The following GRID2 variants were observed in gnomAD, a reference collection of about 807,000 sequenced individuals.
The protein encoded by GRID2 is glutamate receptor ionotropic, delta-2.
A neutral mutation model predicts 114.8 loss-of-function variants in GRID2; 33 were observed. The observed-to-expected ratio is 0.29, with a 90% CI of 0.22 to 0.38. The LOEUF (loss-of-function observed/expected upper bound fraction) is 0.38, where lower values mean the gene tolerates loss of function less well. Ranked by LOEUF, GRID2 falls within the 10% of genes least tolerant of loss-of-function variation. The probability of loss-of-function intolerance (pLI) is 1.00; values close to 1 mark genes in which losing one functional copy is unlikely to be tolerated. For synonymous variants in GRID2, 505 were observed against 449.9 expected (o/e 1.12, Z -1.55); for missense variants, 1,184 against 1,257.7 (o/e 0.94, Z 0.89).
intron 13 of GRID2, among the ~76,000 whole-genome samples, chr4:93,590,085 T>C (rs1578332271): frequency 6.6e-6 from 1 of 150,576 alleles, no homozygotes; most frequent in South Asian, 2.1e-4. Context: ...GTTTTGTCTT[T>C]TGTTGTCATT....
At chr4:93,188,640 G>T (rs554136148) in intron 4 of GRID2, among the ~76,000 whole-genome samples, 1 of 152,248 alleles carries the variant, frequency 6.6e-6, no homozygotes, top group African/African-American at 2.4e-5. Flanking sequence ...TTGCAACATT[G>T]CCAGGCTGAG....
chr4:92,747,510 G>A (rs1737211426), intron 2 of GRID2, among the ~76,000 whole-genome samples: 1 of 152,082 alleles, frequency 6.6e-6, no homozygotes, highest in Non-Finnish European at 1.5e-5. Context: ...GTTCTGTAAT[G>A]AGTATGTTAT....
At chr4:93,722,402 T>G (rs1465833515) in intron 14 of GRID2, among the ~76,000 whole-genome samples, 1 of 152,108 alleles carries the variant, frequency 6.6e-6, no homozygotes, top group African/African-American at 2.4e-5. Flanking sequence ...TAACACAAAT[T>G]TCTAAACTCA....
intron 2 of GRID2, among the ~76,000 whole-genome samples, chr4:92,613,165 C>A (rs1729838602): frequency 1.3e-5 from 2 of 151,266 alleles, no homozygotes; most frequent in African/African-American, 4.8e-5. Flanking sequence ...ACTTTACTTG[C>A]TCATTGAGGT....
chr4:93,302,886 T>A (rs917635037), intron 8 of GRID2, among the ~76,000 whole-genome samples: 2 of 152,154 alleles, frequency 1.3e-5, no homozygotes, highest in African/African-American at 4.8e-5. Flanking sequence ...TGAAACTTGG[T>A]TAAAGAATGT....
chr4:92,886,703 G>A (rs1351967041), intron 2 of GRID2, among the ~76,000 whole-genome samples: 2 of 152,120 alleles, frequency 1.3e-5, no homozygotes, highest in Non-Finnish European at 2.9e-5. Context: ...TAGGCTCACT[G>A]CAAGCTCTGC....
intron 2 of GRID2, among the ~76,000 whole-genome samples, chr4:92,902,395 T>C (rs934505858): frequency 1.3e-4 from 20 of 152,160 alleles, no homozygotes; most frequent in Non-Finnish European, 8.8e-5. Flanking sequence ...AAATAATTTC[T>C]TGTGTTGTTG....
intron 2 of GRID2, among the ~76,000 whole-genome samples, chr4:92,795,983 G>A (rs1435692879): frequency 6.6e-6 from 1 of 151,908 alleles, no homozygotes; most frequent in Admixed American, 6.6e-5. Context: ...TGTAAATCCT[G>A]TGAAGTTATG....
chr4:93,041,334 C>T (rs990523166), intron 2 of GRID2, among the ~76,000 whole-genome samples: 1 of 152,130 alleles, frequency 6.6e-6, no homozygotes, highest in African/African-American at 2.4e-5. Flanking sequence ...ACAATTCTCT[C>T]TTAATGAGAT....
At chr4:93,184,644 G>C (rs1159644749) in intron 4 of GRID2, among the ~76,000 whole-genome samples, 1 of 152,094 alleles carries the variant, frequency 6.6e-6, no homozygotes, top group East Asian at 1.9e-4. Flanking sequence ...AGCACTTTGG[G>C]AGTCCAAGGT....
At chr4:93,358,475 T>C (rs1183959453) in intron 8 of GRID2, among the ~76,000 whole-genome samples, 3 of 151,968 alleles carry the variant, frequency 2.0e-5, no homozygotes, top group African/African-American at 4.8e-5. Flanking sequence ...CCATGGAACA[T>C]TGACCTTTAT....
At chr4:92,908,561 C>CAAAAAAAAAAAAAAAAAAAAAAAA (rs762037449) in intron 2 of GRID2, among the ~76,000 whole-genome samples, 1 of 35,972 alleles carries the variant, frequency 2.8e-5, no homozygotes, top group African/African-American at 8.9e-5. Context: ...GACTCCATCT[C>CAAAAAAAAAAAAAAAAAAAAAAAA]AAAAAAAAAA....
At chr4:92,611,400 T>A (rs1729738118) in intron 2 of GRID2, among the ~76,000 whole-genome samples, 1 of 151,492 alleles carries the variant, frequency 6.6e-6, no homozygotes, top group Non-Finnish European at 1.5e-5. Flanking sequence ...GCCCTCTGAT[T>A]TCTCTGCATA....
chr4:93,371,924 T>C (rs1290768968), intron 8 of GRID2, among the ~76,000 whole-genome samples: 1 of 151,854 alleles, frequency 6.6e-6, no homozygotes, highest in African/African-American at 2.4e-5. Flanking sequence ...ATTTTTGTAT[T>C]CTTAGTAGAG....
At chr4:93,590,640 T>C (rs973660036) in intron 13 of GRID2, among the ~76,000 whole-genome samples, 15 of 152,328 alleles carry the variant, frequency 9.8e-5, no homozygotes, top group Admixed American at 9.1e-4. Flanking sequence ...GTAAATTACC[T>C]TGGGCAGTAT....
chr4:92,910,672 G>C (rs1207017853), intron 2 of GRID2, among the ~76,000 whole-genome samples: 2 of 151,952 alleles, frequency 1.3e-5, no homozygotes, highest in African/African-American at 4.8e-5. Context: ...TTGGGGGACT[G>C]GTTTTAGGAC....
chr4:92,598,857 A>G (rs1436046586), intron 2 of GRID2, among the ~76,000 whole-genome samples: 1 of 152,004 alleles, frequency 6.6e-6, no homozygotes, highest in Non-Finnish European at 1.5e-5. Context: ...ACCCGTTTCC[A>G]ATATTTCCTT....
chr4:92,613,591 C>T (rs1729858507), intron 2 of GRID2, among the ~76,000 whole-genome samples: 1 of 151,362 alleles, frequency 6.6e-6, no homozygotes, highest in Non-Finnish European at 1.5e-5. Context: ...TTGCTTTGAT[C>T]TATTCAGATT....
intron 13 of GRID2, among the ~76,000 whole-genome samples, chr4:93,543,358 T>A: frequency 6.6e-6 from 1 of 152,148 alleles, no homozygotes; most frequent in East Asian, 1.9e-4. Flanking sequence ...AAAAAATAAA[T>A]TTTTCTGAGT....
Sources: allele counts gnomAD v4.1 joint callset (sites outside exome capture counted in the v4.1 genomes callset), GRCh38; gene constraint gnomAD v4.1.1; transcripts MANE v1.5; gene names NCBI Gene and HGNC (gene_info 2026-07-23, HGNC 2026-07-21).